ZNF239: variants seen among roughly 807,000 people sequenced by gnomAD.
ZNF239 encodes the protein zinc finger protein (C2H2) homologous to mouse MOK-2.
ZNF239 carries 16 observed loss-of-function variants against 27.5 expected under a neutral mutation model. The ratio of observed to expected loss-of-function variants is 0.58; its 90% CI spans 0.39 to 0.88. ZNF239 has a LOEUF of 0.88. Among genes scored for constraint, ZNF239 ranks in the 40% least tolerant of loss-of-function variants. The pLI is 0.00. For missense variants in ZNF239, 527 were observed against 551.9 expected (o/e 0.95, Z 0.45); for synonymous variants, 199 against 192.6 (o/e 1.03, Z -0.27).
intron 3 of ZNF239, among the ~76,000 whole-genome samples, chr10:43,562,864 A>G (rs1024749015): frequency 6.6e-6 from 1 of 152,252 alleles, no homozygotes; most frequent in Non-Finnish European, 1.5e-5. Flanking sequence ...AATGGATTTT[A>G]AAGGATATTG....
At chr10:43,558,278 T>C in intron 3 of ZNF239, 107 bp from the exon 4 acceptor site, 1 of 1,067,354 alleles carries the variant, frequency 9.4e-7, no homozygotes, top group Non-Finnish European at 1.3e-6. Context: ...AAAGTTCAGC[T>C]TGTCTTTATA....
In ZNF239 at chr10:43,557,288, C is replaced by T. The variant is rs774105339; in HGVS notation, c.792G>A (p.Lys264=). ...TGAAGCCCTTCCCACACTTGTCACA[C>T]TTATAAGGCTTCTCATCTGTGTGGA... is the stretch of plus-strand genomic sequence containing the variant. The part of the protein sequence containing the change: ...QAVHTDEKPY[K]CDKCGKGFTR... Residue 264 remains lysine (K), a synonymous_variant, in exon 4 of 4, where the codon AAG becomes AAA. Coordinates refer to ENST00000374446, the MANE Select transcript of ZNF239 (RefSeq NM_001099282.2). 1.9e-6 allele frequency: 3 copies of T among 1,613,828 alleles called. No homozygotes were observed. The highest frequency in any genetic ancestry group is 2.2e-5 in the South Asian group (2 of 91,060).
intron 1 of ZNF239, 67 bp from the exon 2 acceptor site, chr10:43,573,744 A>ACTTTTTCCCCG: frequency 1.4e-6 from 1 of 725,350 alleles, no homozygotes; most frequent in South Asian, 6.3e-5. Flanking sequence ...CTGCGGGGAA[A>ACTTTTTCCCCG]AAGTTACTCC....
intron 2 of ZNF239, among the ~76,000 whole-genome samples, chr10:43,568,948 G>A (rs1837860713): frequency 1.3e-5 from 2 of 152,166 alleles, no homozygotes; most frequent in South Asian, 4.1e-4. Flanking sequence ...TACTCAGGAG[G>A]CTGAGGTGGA....
rs1053358317 is a variant in ZNF239 at position 43,557,556 on chromosome 10, T to A, written c.524A>T (p.Glu175Val). The A allele has an allele frequency of 2.5e-6, 4 of 1,614,066 alleles. No individual in the cohort carries two copies. The highest frequency in any genetic ancestry group is 3.4e-6 in the Non-Finnish European group (4 of 1,180,044). ...GTTATTATGGTCACAGGGTTTCTCC[T>A]CTGTATGAGCTCTCTGCTGACTACA... ...VSCSQQRAHTEEKPCDHNNCG... is the reference protein window; with the variant it reads ...VSCSQQRAHTVEKPCDHNNCG... Residue 175 changes from glutamate to valine, a missense_variant, in exon 4 of 4, where the codon GAG becomes GTG. By Grantham distance (121) the Glu-to-Val change is moderately radical. Transcript: ENST00000374446.
At position 43,557,408 on chromosome 10, in the gene ZNF239, A is replaced by T. The variant is rs749678458; in HGVS notation, c.672T>A (p.Leu224=). The T allele has an allele frequency of 4.3e-6, 7 of 1,614,078 alleles. No homozygotes were observed. Among genetic ancestry groups the T allele is most frequent in the South Asian group, 1.1e-5 (1 of 91,090 alleles). ...TTTCTTCTGTGTGGTCTCTCTGATGAAGTAGTAGCTCTGAGCTTTGACTGA... is the reference window on the plus strand; with the variant it reads ...TTTCTTCTGTGTGGTCTCTCTGATGTAGTAGTAGCTCTGAGCTTTGACTGA... The part of the protein sequence containing the change: ...KNFSQSSELL[L]HQRDHTEEKP... Residue 224 remains leucine, a synonymous_variant, in exon 4 of 4, where the codon CTT becomes CTA. Coordinates refer to ENST00000374446, the MANE Select transcript of ZNF239 (RefSeq NM_001099282.2).
At chr10:43,569,510 G>A (rs1837898671) in intron 2 of ZNF239, among the ~76,000 whole-genome samples, 2 of 152,084 alleles carry the variant, frequency 1.3e-5, no homozygotes, top group African/African-American at 4.8e-5. Context: ...CAGCACCAGT[G>A]ACCCAGCAGG....
At chr10:43,559,839 G>A (rs763668844) in intron 3 of ZNF239, among the ~76,000 whole-genome samples, 1 of 152,162 alleles carries the variant, frequency 6.6e-6, no homozygotes, top group Non-Finnish European at 1.5e-5. Context: ...AGGAGCAGAT[G>A]GATTAGGAGT....
Position 43,557,025 on chromosome 10 carries a change from C to T in ZNF239, c.1055G>A (p.Cys352Tyr), listed in dbSNP as rs1174988425. The T allele has an allele frequency of 2.5e-6, 4 of 1,613,912 alleles. No individual in the cohort carries two copies. The African/African-American group carries it at 5.3e-5, about 22-fold the overall frequency. Residue 352 changes from cysteine to tyrosine, a missense_variant, in exon 4 of 4, where the codon TGT becomes TAT. By Grantham distance (194) the Cys-to-Tyr change is radical. Coordinates refer to ENST00000374446, the MANE Select transcript of ZNF239 (RefSeq NM_001099282.2). ...TGERPYKCGE[C>Y]GKGFSQSSNL... ...CGAGCTCTGACTGAAGCCCTTCCCA[C>T]ACTCACCACACTTGTAGGGCCTCTC...
chr10:43,572,553 T>C (rs1286288882), intron 2 of ZNF239, among the ~76,000 whole-genome samples: 4 of 152,222 alleles, frequency 2.6e-5, no homozygotes, highest in Non-Finnish European at 4.4e-5. Flanking sequence ...AAGAACAGCC[T>C]GAAGGAAGAA....
At chr10:43,565,817 G>GAAAAAAAAAAAAAAAAAA in intron 3 of ZNF239, among the ~76,000 whole-genome samples, 1 of 67,138 alleles carries the variant, frequency 1.5e-5, no homozygotes, top group Non-Finnish European at 2.5e-5. Context: ...TCCATCTCAA[G>GAAAAAAAAAAAAAAAAAA]AAAAAAAAAA....
chr10:43,570,364 C>T, intron 2 of ZNF239: 1 of 985,386 alleles, frequency 1.0e-6, no homozygotes. Context: ...GCTCCATCAC[C>T]ACATCCTTTA....
intron 3 of ZNF239, among the ~76,000 whole-genome samples, chr10:43,559,535 A>G (rs1837067782): frequency 6.6e-6 from 1 of 152,234 alleles, no homozygotes; most frequent in Admixed American, 6.5e-5. Flanking sequence ...AAGGCAGCAG[A>G]ACTGCCTTGT....
At chr10:43,561,045 G>T (rs944041739) in intron 3 of ZNF239, among the ~76,000 whole-genome samples, 39 of 152,232 alleles carry the variant, frequency 2.6e-4, no homozygotes, top group African/African-American at 8.9e-4. Flanking sequence ...CTGCAATCTA[G>T]ATGAGTTAAA....
chr10:43,557,984 C>T lies in ZNF239; in HGVS notation c.96G>A (p.Gln32=), dbSNP rs1428059087. ...EPELDISPCQ[Q]WGEASSPISR... ...AAATAGGAGAAGATGCTTCTCCCCACTGTTGACAAGGGGAAATATCTAGTT... is the reference window on the plus strand; with the variant it reads ...AAATAGGAGAAGATGCTTCTCCCCATTGTTGACAAGGGGAAATATCTAGTT... Residue 32 remains glutamine, a synonymous_variant, in exon 4 of 4, where the codon CAG becomes CAA. Transcript: ENST00000374446. 3 of 1,614,178 alleles carry T rather than the reference C, an allele frequency of 1.9e-6. No homozygotes were observed. Among genetic ancestry groups the T allele is most frequent in the Non-Finnish European group, 2.5e-6 (3 of 1,179,996 alleles).
In ZNF239 at chr10:43,556,554, A is replaced by G; in HGVS notation, c.*149T>C. The G allele has an allele frequency of 9.6e-7, 1 of 1,037,938 alleles. No homozygotes were observed. Among genetic ancestry groups the G allele is most frequent in the Non-Finnish European group, 1.4e-6 (1 of 737,210 alleles). The allele number at this position is 1,037,938 out of a possible 1,614,324, so 64.3% of individuals were successfully genotyped here. A position where few individuals can be genotyped will look rare whatever the true frequency, so the allele number is the denominator to read the frequency against. Reference sequence around the variant, plus strand: ...ATAACAAAGTGCTTGATACTTAAATATTTTGAATGAGTGATTTTTCAGTGA... The same window carrying G: ...ATAACAAAGTGCTTGATACTTAAATGTTTTGAATGAGTGATTTTTCAGTGA... On this transcript the variant is annotated 3_prime_UTR_variant, in exon 4 of 4. Coordinates refer to ENST00000374446, the MANE Select transcript of ZNF239 (RefSeq NM_001099282.2).
At chr10:43,571,799 C>T (rs1309801224) in intron 2 of ZNF239, among the ~76,000 whole-genome samples, 1 of 152,080 alleles carries the variant, frequency 6.6e-6, no homozygotes, top group Non-Finnish European at 1.5e-5. Context: ...TCAGGTGATC[C>T]TCCCCACTCA....
chr10:43,560,475 G>A (rs1837144923), intron 3 of ZNF239, among the ~76,000 whole-genome samples: 1 of 151,936 alleles, frequency 6.6e-6, no homozygotes, highest in African/African-American at 2.4e-5. Flanking sequence ...ACTGTGCAGG[G>A]GAGTACAGGG....
rs1162113626 is a variant in ZNF239 at position 43,556,802 on chromosome 10, A to C, written c.1278T>G (p.Thr426=). 1 of 1,603,754 alleles carries C rather than the reference A, an allele frequency of 6.2e-7. No individual in the cohort carries two copies. Among genetic ancestry groups the C allele is most frequent in the Admixed American group, 1.7e-5 (1 of 58,894 alleles). Residue 426 remains threonine, a synonymous_variant, in exon 4 of 4, where the codon ACT becomes ACG. Coordinates refer to ENST00000374446, the MANE Select transcript of ZNF239 (RefSeq NM_001099282.2). ...SKLLIHQRVH[T]GEKPYECSKC... ...TGCTGCACTCATAGGGCTTCTCTCC[A>C]GTATGTACTCTCTGGTGGATGAGGA...
Sources: gnomAD v4.1 joint callset for allele counts (sites outside exome capture counted in the v4.1 genomes callset) on GRCh38, gnomAD v4.1.1 for gene constraint, MANE v1.5 for transcripts, NCBI Gene and HGNC (gene_info 2026-07-23, HGNC 2026-07-21) for gene names.